The following DPH6 variants were observed in gnomAD, a reference collection of about 807,000 sequenced individuals.
DPH6 encodes diphthine--ammonia ligase.
In DPH6, 33 loss-of-function variants were observed where a neutral mutation model predicts 38.2. The observed-to-expected ratio is 0.86, with a 90% CI of 0.65 to 1.15. DPH6 has a LOEUF of 1.15. Among genes scored for constraint, DPH6 ranks in the 50% most tolerant of loss-of-function variants. DPH6 has a pLI of 0.00. For synonymous variants in DPH6, 108 were observed against 103.0 expected, an observed-to-expected ratio of 1.05 and a Z score of -0.30; for missense variants, 325 against 320.0, an observed-to-expected ratio of 1.02 and a Z score of -0.12.
intron 3 of DPH6, among the ~76,000 whole-genome samples, chr15:35,337,560 T>C (rs1366904559): frequency 6.6e-6 from 1 of 152,204 alleles, no homozygotes; most frequent in Non-Finnish European, 1.5e-5. Flanking sequence ...GAATATTCCA[T>C]GCTCATGGGT....
At chr15:35,246,302 C>A (rs573337103) in intron 3 of DPH6, among the ~76,000 whole-genome samples, 9 of 152,330 alleles carry the variant, frequency 5.9e-5, no homozygotes, top group African/African-American at 2.2e-4. Context: ...GTTATTTCTT[C>A]ATTCATTCAT....
At chr15:35,344,713 CTCTG>C (rs1389298294) in intron 3 of DPH6, among the ~76,000 whole-genome samples, 2 of 151,884 alleles carry the variant, frequency 1.3e-5, no homozygotes, top group African/African-American at 2.4e-5. Flanking sequence ...GGACTCCATA[CTCTG>C]TCTAACTGAA....
At chr15:35,296,804 C>CTTTTTTTTTATTTT (rs2052018400) in intron 3 of DPH6, among the ~76,000 whole-genome samples, 1 of 127,332 alleles carries the variant, frequency 7.9e-6, no homozygotes, top group Admixed American at 7.9e-5. Flanking sequence ...GGCCTGGCTT[C>CTTTTTTTTTATTTT]TTTTTTTTTT....
the DPH6 span, among the ~76,000 whole-genome samples, chr15:35,188,151 C>A: frequency 5.3e-5 from 8 of 152,150 alleles, no homozygotes; most frequent in Admixed American, 2.0e-4. Context: ...ACAGACAGTG[C>A]CAGGGAAAGG....
intron 3 of DPH6, among the ~76,000 whole-genome samples, chr15:35,333,070 T>G (rs1284075543): frequency 7.0e-6 from 1 of 142,844 alleles, no homozygotes; most frequent in Non-Finnish European, 1.5e-5. Flanking sequence ...GTGAGCAGAA[T>G]AAGAAATGGA....
chr15:35,335,950 A>G (rs1364179751), intron 3 of DPH6, among the ~76,000 whole-genome samples: 1 of 152,230 alleles, frequency 6.6e-6, no homozygotes, highest in East Asian at 1.9e-4. Flanking sequence ...TGGGAATAGC[A>G]TTGAATCTAT....
At chr15:35,464,070 C>G (rs1471640328) in intron 3 of DPH6, among the ~76,000 whole-genome samples, 1 of 151,818 alleles carries the variant, frequency 6.6e-6, no homozygotes, top group Non-Finnish European at 1.5e-5. Flanking sequence ...CCAAGGCAGG[C>G]GGATCACAAG....
chr15:35,198,690 T>C, the DPH6 span, among the ~76,000 whole-genome samples: 24 of 152,340 alleles, frequency 1.6e-4, no homozygotes, highest in South Asian at 1.7e-3. Context: ...TGTATCTTCA[T>C]ATGTTTTGAA....
intron 6 of DPH6, 103 bp downstream of exon 6, chr15:35,410,732 G>T: frequency 2.3e-6 from 2 of 881,592 alleles, no homozygotes; most frequent in Non-Finnish European, 3.3e-6. Context: ...GAATGTATTT[G>T]ATTTTTACTA....
intron 3 of DPH6, chr15:35,521,764 G>A: frequency 1.6e-6 from 2 of 1,233,548 alleles, no homozygotes; most frequent in Non-Finnish European, 2.0e-6. Flanking sequence ...CTGCTAAAAG[G>A]ATGCAACATT....
chr15:35,410,421 T>C (rs1015613309), intron 6 of DPH6, among the ~76,000 whole-genome samples: 1 of 151,712 alleles, frequency 6.6e-6, no homozygotes, highest in Non-Finnish European at 1.5e-5. Context: ...TTTTTTACTA[T>C]GCTGCAAGTT....
At chr15:35,387,757 T>G (rs1342497321) in intron 6 of DPH6, among the ~76,000 whole-genome samples, 2 of 152,040 alleles carry the variant, frequency 1.3e-5, no homozygotes, top group South Asian at 2.1e-4. Flanking sequence ...GACGATGGGG[T>G]TTTCTAGATA....
At chr15:35,463,082 A>T (rs2054085079) in intron 3 of DPH6, among the ~76,000 whole-genome samples, 1 of 152,182 alleles carries the variant, frequency 6.6e-6, no homozygotes, top group African/African-American at 2.4e-5. Context: ...CAACCTCTTA[A>T]AAAACAAAGA....
chr15:35,237,319 G>A (rs757795613), intron 3 of DPH6: 497 of 1,586,148 alleles, frequency 3.1e-4, no homozygotes, highest in Non-Finnish European at 4.1e-4. Flanking sequence ...TGCAGAGAAC[G>A]CGAGAGATGA....
intron 3 of DPH6, among the ~76,000 whole-genome samples, chr15:35,502,265 G>T (rs1238367064): frequency 6.6e-6 from 1 of 151,736 alleles, no homozygotes; most frequent in Non-Finnish European, 1.5e-5. Context: ...GGCTACTGAG[G>T]ATTCATAATG....
At chr15:35,248,643 G>A (rs2140407274) in intron 3 of DPH6, among the ~76,000 whole-genome samples, 1 of 152,288 alleles carries the variant, frequency 6.6e-6, no homozygotes, top group Admixed American at 6.5e-5. Context: ...AGGCTCCCAT[G>A]TCATGTAAAA....
the DPH6 span, among the ~76,000 whole-genome samples, chr15:35,202,826 A>T: frequency 6.6e-6 from 1 of 151,696 alleles, no homozygotes; most frequent in African/African-American, 2.4e-5. Flanking sequence ...AGCAATTATT[A>T]TTATTTTTTA....
At chr15:35,404,002 T>G (rs1009189891) in intron 6 of DPH6, among the ~76,000 whole-genome samples, 1 of 152,132 alleles carries the variant, frequency 6.6e-6, no homozygotes, top group East Asian at 1.9e-4. Context: ...CCTGGCTTAT[T>G]TCACTTAACA....
intron 3 of DPH6, among the ~76,000 whole-genome samples, chr15:35,248,524 C>T (rs1019041069): frequency 2.0e-5 from 3 of 151,970 alleles, no homozygotes; most frequent in African/African-American, 7.3e-5. Flanking sequence ...TAGATCGTAC[C>T]ATTTTTGTCC....
Sources: allele counts gnomAD v4.1 joint callset (sites outside exome capture counted in the v4.1 genomes callset), GRCh38; gene constraint gnomAD v4.1.1; transcripts MANE v1.5; gene names NCBI Gene and HGNC (gene_info 2026-07-23, HGNC 2026-07-21).